The following CTSC variants were observed in gnomAD, a reference collection of about 807,000 sequenced individuals.
The protein encoded by CTSC is cathepsin C, also known as dipeptidyl peptidase 1.
A neutral mutation model predicts 40.9 loss-of-function variants in CTSC; 37 were observed. The ratio of observed to expected loss-of-function variants is 0.91; its 90% CI spans 0.70 to 1.19. The LOEUF is 1.19. CTSC is among the 50% of genes most tolerant of loss of function. The pLI, the probability that CTSC is intolerant of heterozygous loss-of-function variation, is 0.00. For synonymous variants in CTSC, 232 were observed against 207.4 expected (o/e 1.12, Z -1.02); for missense variants, 594 against 567.3 (o/e 1.05, Z -0.48).
intron 2 of CTSC, 168 bp downstream of exon 2, chr11:88,334,769 T>G (rs781175061): frequency 1.7e-6 from 1 of 599,222 alleles, no homozygotes; most frequent in Non-Finnish European, 2.9e-6. Context: ...AATCATAATT[T>G]TAAATAAAGT....
rs1944271197 is a variant in CTSC at position 88,294,089 on chromosome 11, C to T, written c.1309G>A (p.Gly437Ser). 1 of 1,613,822 alleles carries T rather than the reference C, an allele frequency of 6.2e-7. No individual in the cohort carries two copies. Among genetic ancestry groups the T allele is most frequent in the African/African-American group, 1.3e-5 (1 of 74,844 alleles). The change falls in exon 7 of 7, where the codon GGC (glycine) becomes AGC (serine). Residue 437 changes from glycine (G) to serine (S), a missense_variant. Transcript: ENST00000227266. ...GTTCCTCTGCGGATCCGGAAGTAGC[C>T]ATTCTCACCCCAGCCGGTGCCCCAG... Reference protein sequence around the residue: ...NSWGTGWGENGYFRIRRGTDE... With the variant: ...NSWGTGWGENSYFRIRRGTDE...
rs749849784 is a variant in CTSC, at chr11:88,326,398, G to A, written c.318+8539C>T. ...TCTCTTAGCCCCAACGTCTGTTCAT[G>A]GCTGTGGTTTTAAAAGAGTCCCTCA... On this transcript the variant is annotated intron_variant, in intron 2 of 6. Coordinates refer to ENST00000227266, the MANE Select transcript of CTSC (RefSeq NM_001814.6). The A allele has an allele frequency of 1.9e-6, 3 of 1,613,950 alleles. No homozygotes were observed. In the East Asian group the frequency reaches 6.7e-5, roughly 36 times the overall value.
intron 4 of CTSC, among the ~76,000 whole-genome samples, chr11:88,301,690 G>C (rs1944362633): frequency 6.6e-6 from 1 of 152,088 alleles, no homozygotes; most frequent in Non-Finnish European, 1.5e-5. Context: ...ACAAAGGAGA[G>C]TTGCCTAGGC....
At chr11:88,325,668 C>T (rs1341038510) in intron 2 of CTSC, 1 of 984,972 alleles carries the variant, frequency 1.0e-6, no homozygotes, top group African/African-American at 1.7e-5. Flanking sequence ...ATGTCAACTT[C>T]TTAGCACAAA....
intron 2 of CTSC, among the ~76,000 whole-genome samples, chr11:88,320,052 C>T (rs976554350): frequency 1.3e-5 from 2 of 152,160 alleles, no homozygotes; most frequent in Non-Finnish European, 2.9e-5. Context: ...CATCTTTCCT[C>T]AGAAAGAAAC....
At chr11:88,295,844 T>C (rs1283108751) in intron 6 of CTSC, among the ~76,000 whole-genome samples, 1 of 152,218 alleles carries the variant, frequency 6.6e-6, no homozygotes, top group African/African-American at 2.4e-5. Flanking sequence ...TCCCCGCCCA[T>C]AAATAGGGAT....
intron 2 of CTSC, among the ~76,000 whole-genome samples, chr11:88,318,563 C>G (rs184124353): frequency 2.6e-5 from 4 of 152,160 alleles, no homozygotes; most frequent in Admixed American, 6.5e-5. Flanking sequence ...TGGTTTCCAG[C>G]GGAACATTGG....
At chr11:88,301,865 C>T (rs915267913) in intron 4 of CTSC, among the ~76,000 whole-genome samples, 2 of 151,814 alleles carry the variant, frequency 1.3e-5, no homozygotes, top group African/African-American at 2.4e-5. Flanking sequence ...TAGACACATT[C>T]GACTTCTTGG....
At chr11:88,300,150 T>C (rs1035655037) in intron 5 of CTSC, among the ~76,000 whole-genome samples, 1 of 152,118 alleles carries the variant, frequency 6.6e-6, no homozygotes, top group Admixed American at 6.5e-5. Context: ...GGTGGGGGAA[T>C]ACAGGAACAG....
chr11:88,330,620 T>A (rs1938325274), intron 2 of CTSC, among the ~76,000 whole-genome samples: 2 of 152,110 alleles, frequency 1.3e-5, no homozygotes, highest in East Asian at 1.9e-4. Context: ...AGTGCTGGGA[T>A]TACAGGTATG....
Position 88,296,417 on chromosome 11 carries a change from T to C in CTSC, c.758-153A>G, listed in dbSNP as rs217107. On this transcript the variant is annotated intron_variant, in intron 5 of 6. Coordinates refer to ENST00000227266, the MANE Select transcript of CTSC (RefSeq NM_001814.6). ...AATAAGAAGACTCAACTAACAAGCA[T>C]TGTTGAGCTTATTAAGGCAATCATT... 0.26 allele frequency: 227,837 copies of C among 892,290 alleles called. 32,168 individuals carry two copies. Among genetic ancestry groups the C allele is most frequent in the South Asian group, 0.41 (28,067 of 69,272 alleles). 55.3% of individuals were successfully genotyped at this position (892,290 alleles called of 1,614,324 possible). A position where few individuals can be genotyped will look rare whatever the true frequency, so the allele number is the denominator to read the frequency against.
intron 2 of CTSC, among the ~76,000 whole-genome samples, chr11:88,313,136 C>A (rs1019897532): frequency 2.6e-5 from 4 of 152,166 alleles, no homozygotes; most frequent in Non-Finnish European, 4.4e-5. Flanking sequence ...GTGGTGTGAT[C>A]TTGGCTCACT....
intron 2 of CTSC, among the ~76,000 whole-genome samples, chr11:88,334,314 C>T (rs769826690): frequency 6.6e-6 from 1 of 152,100 alleles, no homozygotes; most frequent in Non-Finnish European, 1.5e-5. Context: ...AGTATGTTTG[C>T]AATTGGAAAA....
intron 5 of CTSC, 119 bp from the exon 6 acceptor site, chr11:88,296,383 AATC>A (rs1591220065): frequency 8.1e-7 from 1 of 1,238,204 alleles, no homozygotes; most frequent in East Asian, 2.5e-5. Flanking sequence ...TGTTTATAAG[AATC>A]AGCACAATAA....
intron 2 of CTSC, among the ~76,000 whole-genome samples, chr11:88,332,326 T>C (rs573504910): frequency 1.3e-5 from 2 of 152,338 alleles, no homozygotes; most frequent in African/African-American, 2.4e-5. Context: ...TCACATGCAA[T>C]ACTTATTACA....
chr11:88,312,635 G>GT, intron 2 of CTSC, 81 bp from the exon 3 acceptor site: 1 of 1,417,506 alleles, frequency 7.1e-7, no homozygotes, highest in Non-Finnish European at 9.5e-7. Flanking sequence ...CTCATTCACA[G>GT]TAAATGTGCC....
chr11:88,299,070 C>T (rs1233069850), intron 5 of CTSC: 2 of 152,090 alleles, frequency 1.3e-5, no homozygotes, highest in African/African-American at 2.4e-5. Flanking sequence ...TATTAGTCTT[C>T]ATTTCCTCTG....
At chr11:88,336,865 G>A (rs1938509786) in intron 1 of CTSC, among the ~76,000 whole-genome samples, 1 of 152,178 alleles carries the variant, frequency 6.6e-6, no homozygotes, top group South Asian at 2.1e-4. Flanking sequence ...AGCCTTCCAT[G>A]AGCCAAACAT....
At chr11:88,329,781 C>A (rs1273095221) in intron 2 of CTSC, among the ~76,000 whole-genome samples, 1 of 152,164 alleles carries the variant, frequency 6.6e-6, no homozygotes, top group Non-Finnish European at 1.5e-5. Context: ...GGATGGAGTG[C>A]AGTGGTGCAA....
Sources: gnomAD v4.1 joint callset for allele counts (sites outside exome capture counted in the v4.1 genomes callset) on GRCh38, gnomAD v4.1.1 for gene constraint, MANE v1.5 for transcripts, NCBI Gene and HGNC (gene_info 2026-07-23, HGNC 2026-07-21) for gene names.